Variants in SEZ6L2 observed in about 807,000 individuals in gnomAD.
SEZ6L2 encodes the protein seizure related 6 homolog like 2.
SEZ6L2 carries 44 observed loss-of-function variants against 97.0 expected under a neutral mutation model. The observed-to-expected ratio is 0.45, with a 90% confidence interval of 0.36 to 0.58. SEZ6L2 has a LOEUF of 0.58. Among genes scored for constraint, SEZ6L2 ranks in the 20% least tolerant of loss-of-function variants. The probability of loss-of-function intolerance (pLI) is 0.00; values close to 1 mark genes in which losing one functional copy is unlikely to be tolerated. For missense variants in SEZ6L2, 1,086 were observed against 1,233.3 expected (o/e 0.88, Z 1.79); for synonymous variants, 543 against 546.1 (o/e 0.99, Z 0.08).
intron 12 of SEZ6L2, among the ~76,000 whole-genome samples, chr16:29,875,664 TC>T (rs199514617): frequency 4.5e-4 from 64 of 143,196 alleles, no homozygotes; most frequent in South Asian, 1.9e-3. Flanking sequence ...TTTCTTTCTT[TC>T]TTTTTTTTTT....
At chr16:29,892,689 G>A (rs145821070) in intron 5 of SEZ6L2, among the ~76,000 whole-genome samples, 68 of 152,362 alleles carry the variant, frequency 4.5e-4, no homozygotes, top group Non-Finnish European at 7.5e-4. Context: ...CTTTCAAGGA[G>A]GGCAGAGTGC....
chr16:29,880,502 G>C (rs1288535931), intron 8 of SEZ6L2, among the ~76,000 whole-genome samples: 1 of 152,066 alleles, frequency 6.6e-6, no homozygotes, highest in Non-Finnish European at 1.5e-5. Context: ...TGTATTTTTA[G>C]TAGAGACGGG....
chr16:29,894,456 T>G (rs1274846936), intron 5 of SEZ6L2, among the ~76,000 whole-genome samples: 1 of 148,418 alleles, frequency 6.7e-6, no homozygotes, highest in Non-Finnish European at 1.5e-5. Context: ...GGCGAATTTA[T>G]CCTTCAGGTC....
chr16:29,876,455 G>A lies in SEZ6L2; in HGVS notation c.2104+301C>T, dbSNP rs1018264064. On this transcript the variant is annotated intron_variant, in intron 12 of 17. Transcript: ENST00000617533. This position sits in a 1 kb window ranked among gnomAD's most constrained non-coding sequence, Gnocchi z 6.5. ...CCAAACTCAGATGCCGCAGAGGAGG[G>A]GTCAGGAGGGGACGGGGCGGGGCCG... Among the ~76,000 whole-genome samples, 1 of 152,074 alleles carries A rather than the reference G, an allele frequency of 6.6e-6. No homozygotes were observed. Among genetic ancestry groups the A allele is most frequent in the African/African-American group, 2.4e-5 (1 of 41,404 alleles).
At position 29,879,926 on chromosome 16, in the gene SEZ6L2, T is replaced by C. The variant is rs748344164; in HGVS notation, c.1511A>G (p.Asn504Ser). 77 of 1,613,856 alleles carry C rather than the reference T, an allele frequency of 4.8e-5. No homozygotes were observed. Among genetic ancestry groups the C allele is most frequent in the Non-Finnish European group, 5.8e-5 (68 of 1,179,928 alleles). Residue 504 changes from asparagine to serine, a missense_variant, in exon 9 of 18, where the codon AAT becomes AGT. By Grantham distance (46) the Asn-to-Ser change is conservative. Coordinates refer to ENST00000617533, the MANE Select transcript of SEZ6L2 (RefSeq NM_001243332.2). ...TGTGGGATCCACACATTCGATGGCA[T>C]TGGGGGGCCCAGGGGGCTCCAGGGC... Reference protein sequence around the residue: ...GYALEPPGPPNAIECVDPTEP... With the variant: ...GYALEPPGPPSAIECVDPTEP...
chr16:29,892,825 C>T (rs1875385063), intron 5 of SEZ6L2, among the ~76,000 whole-genome samples: 1 of 152,252 alleles, frequency 6.6e-6, no homozygotes, highest in African/African-American at 2.4e-5. Flanking sequence ...GGCCCCTTTC[C>T]TCATGCACAC....
chr16:29,891,621 G>A (rs543300929), intron 5 of SEZ6L2, among the ~76,000 whole-genome samples: 1 of 152,058 alleles, frequency 6.6e-6, no homozygotes, highest in African/African-American at 2.4e-5. Context: ...AGCCTGGGCA[G>A]CAGAGTGAGA....
intron 5 of SEZ6L2, among the ~76,000 whole-genome samples, chr16:29,889,592 C>G (rs912781040): frequency 6.6e-6 from 1 of 150,692 alleles, no homozygotes; most frequent in African/African-American, 2.4e-5. Context: ...CAGCTTCCAT[C>G]CAGAAGAACC....
In SEZ6L2 at chr16:29,873,744, A is replaced by G. The variant is rs376986189; in HGVS notation, c.2105-15T>C. The stretch of plus-strand genomic sequence containing the variant: ...ACAAGTCATGACTGGTGGCAGAAGA[A>G]CAAGGTCAGGGGGAGCGAGGGCCTT... On this transcript the variant is annotated splice_polypyrimidine_tract_variant and intron_variant, in intron 12 of 17. Coordinates refer to ENST00000617533, the MANE Select transcript of SEZ6L2 (RefSeq NM_001243332.2). The surrounding 1 kb of genome is among the most constrained non-coding windows in gnomAD (Gnocchi z 4.3). 2 of 1,561,370 alleles carry G rather than the reference A, an allele frequency of 1.3e-6. No individual in the cohort carries two copies. The highest frequency in any genetic ancestry group is 8.7e-7 in the Non-Finnish European group (1 of 1,155,730).
At position 29,897,745 on chromosome 16, in the gene SEZ6L2, C is replaced by T. The variant is rs368254407; in HGVS notation, c.211+108G>A. 117 of 1,311,050 alleles carry T rather than the reference C, an allele frequency of 8.9e-5. No individual in the cohort carries two copies. In the African/African-American group the frequency reaches 1.5e-3, roughly 17 times the overall value. 81.2% of individuals were successfully genotyped at this position (1,311,050 alleles called of 1,614,324 possible). A position where few individuals can be genotyped will look rare whatever the true frequency, so the allele number is the denominator to read the frequency against. On this transcript the variant is annotated intron_variant, in intron 2 of 17. Coordinates refer to ENST00000617533, the MANE Select transcript of SEZ6L2 (RefSeq NM_001243332.2). ...ATCTCACAGGAATGCAGGCTCTTTC[C>T]TCTGCAGTCTCTCTCTGCCTGCTCT...
chr16:29,872,881 G>A (rs1287629411), intron 14 of SEZ6L2, 138 bp from the exon 15 acceptor site: 4 of 712,756 alleles, frequency 5.6e-6, no homozygotes, highest in Non-Finnish European at 9.2e-6. Context: ...TTCTCCCTTT[G>A]TGGGGAAGAG....
At chr16:29,883,668 A>T (rs938194458) in intron 8 of SEZ6L2, among the ~76,000 whole-genome samples, 1 of 152,124 alleles carries the variant, frequency 6.6e-6, no homozygotes, top group Non-Finnish European at 1.5e-5. Context: ...AGGGTGGCTC[A>T]CGCCTGTAAT....
In SEZ6L2 at chr16:29,895,262, G is replaced by A. The variant is rs866740556; in HGVS notation, c.850C>T (p.Gln284Ter). 6.2e-7 allele frequency: 1 copy of A among 1,612,432 alleles called. No homozygotes were observed. The highest frequency in any genetic ancestry group is 8.5e-7 in the Non-Finnish European group (1 of 1,179,204). ...PRGGGFRIHY[Q>*]AYLLSCGFPP... ...GCAGCACCCTCAAACTCCTCACCCT[G>A]ATAGTGGATCCTGAAGCCACCGCCC... Residue 284 changes from glutamine to a stop codon, truncating the protein, a stop_gained, in exon 5 of 18, where the codon CAG (glutamine) becomes TAG (stop). Coordinates refer to ENST00000617533, the MANE Select transcript of SEZ6L2 (RefSeq NM_001243332.2). LOFTEE classifies it high-confidence loss of function.
At chr16:29,894,793 G>A (rs1336874364) in intron 5 of SEZ6L2, among the ~76,000 whole-genome samples, 2 of 152,068 alleles carry the variant, frequency 1.3e-5, no homozygotes, top group Non-Finnish European at 2.9e-5. Flanking sequence ...AGATAAGTAT[G>A]CATGGGTCTC....
intron 12 of SEZ6L2, among the ~76,000 whole-genome samples, chr16:29,874,596 G>A (rs1323720366): frequency 5.5e-5 from 3 of 54,098 alleles, no homozygotes; most frequent in Non-Finnish European, 1.3e-4. Flanking sequence ...TTTGAGATGG[G>A]AGTCTCGCTC....
chr16:29,875,515 A>C (rs1226656943), intron 12 of SEZ6L2, among the ~76,000 whole-genome samples: 1 of 152,094 alleles, frequency 6.6e-6, no homozygotes, highest in Admixed American at 6.5e-5. Flanking sequence ...GGCTACCTGA[A>C]GCTTCTCCCC....
At chr16:29,881,620 C>CTTTTTT (rs59318540) in intron 8 of SEZ6L2, among the ~76,000 whole-genome samples, 15 of 85,112 alleles carry the variant, frequency 1.8e-4, no homozygotes, top group African/African-American at 2.1e-4. Context: ...ATGAGGAATT[C>CTTTTTT]TTTTTTTTTT....
intron 8 of SEZ6L2, among the ~76,000 whole-genome samples, chr16:29,884,394 C>T (rs575966617): frequency 6.6e-6 from 1 of 152,198 alleles, no homozygotes; most frequent in South Asian, 2.1e-4. Flanking sequence ...GAGTTCAAGA[C>T]CAGCCTGGGC....
At chr16:29,894,620 T>C (rs1225673052) in intron 5 of SEZ6L2, among the ~76,000 whole-genome samples, 2 of 152,196 alleles carry the variant, frequency 1.3e-5, no homozygotes, top group Admixed American at 6.6e-5. Context: ...TCTGTCTTCC[T>C]ACCTAGATTC....
Sources: gnomAD v4.1 joint callset for allele counts (sites outside exome capture counted in the v4.1 genomes callset) on GRCh38, gnomAD v4.1.1 for gene constraint, Gnocchi (gnomAD v3.1) non-coding constraint, MANE v1.5 for transcripts, NCBI Gene and HGNC (gene_info 2026-07-23, HGNC 2026-07-21) for gene names.